Variants in TTN observed in about 807,000 individuals in gnomAD.
TTN encodes the protein connectin.
A neutral mutation model predicts 3,223.0 loss-of-function variants in TTN; 1,525 were observed. The ratio of observed to expected loss-of-function variants is 0.47; its 90% confidence interval spans 0.45 to 0.49. TTN has a LOEUF of 0.49. TTN is among the 20% of genes least tolerant of loss of function. TTN has a pLI of 0.00. For synonymous variants in TTN, 14,094 were observed against 15,161.0 expected (o/e 0.93, Z 5.17); for missense variants, 40,786 against 43,424.0 (o/e 0.94, Z 5.40).
rs1291471382 is a variant in TTN, at chr2:178,565,323, A to G, written c.80809T>C (p.Leu26937=). The change falls in exon 326 of 363, where the codon TTG becomes CTG. Residue 26937 remains leucine (L), a synonymous_variant. Coordinates refer to ENST00000589042, the MANE Select transcript of TTN (RefSeq NM_001267550.2). ...TCTTTGTTACCTTCTTTAATGTGCA[A>G]AACAGTTGAGGTAGCTGTTTCTTCA... is the stretch of plus-strand genomic sequence containing the variant. ...NVEETATSTV[L]HIKEGNKDDF... 6.8e-6 allele frequency: 11 copies of G among 1,613,558 alleles called. No individual in the cohort carries two copies. The highest frequency in any genetic ancestry group is 9.3e-6 in the Non-Finnish European group (11 of 1,179,688).
Position 178,777,248 on chromosome 2 carries a change from C to CG in TTN, c.4714dup (p.Arg1572ProfsTer3), listed in dbSNP as rs1561302160. On this transcript the variant is annotated frameshift_variant, in exon 27 of 363. Coordinates refer to ENST00000589042, the MANE Select transcript of TTN (RefSeq NM_001267550.2). LOFTEE classifies it high-confidence loss of function. Reference sequence around the variant, plus strand: ...CGTAGCTCTGACTTTCATTTCAAGTCGGGAACCTTCCTTTATATTGACATT... The same window carrying CG: ...CGTAGCTCTGACTTTCATTTCAAGTCGGGGAACCTTCCTTTATATTGACATT... 6.2e-7 allele frequency: 1 copy of CG among 1,613,980 alleles called. No individual in the cohort carries two copies. The highest frequency in any genetic ancestry group is 1.3e-5 in the African/African-American group (1 of 75,016).
Position 178,636,854 on chromosome 2 carries a change from T to G in TTN, c.40928-55A>C. 1 of 1,501,326 alleles carries G rather than the reference T, an allele frequency of 6.7e-7. No homozygotes were observed. The highest frequency in any genetic ancestry group is 8.9e-7 in the Non-Finnish European group (1 of 1,128,432). The allele number at this position is 1,501,326 out of a possible 1,614,324, so 93.0% of individuals were successfully genotyped here. A position where few individuals can be genotyped will look rare whatever the true frequency, so the allele number is the denominator to read the frequency against. On this transcript the variant is annotated intron_variant, in intron 224 of 362. Transcript: ENST00000589042. The surrounding 1 kb of genome is among the most constrained non-coding windows in gnomAD (Gnocchi z 4.3). ...TGGCATCTCCTTAGGAGTCAGAAAG[T>G]TCATACTTGGCTGCCTGCTGGATAA...
chr2:178,539,817 T>C lies in TTN; in HGVS notation c.98248A>G (p.Met32750Val), dbSNP rs771143872. 5.0e-6 allele frequency: 8 copies of C among 1,613,896 alleles called. No homozygotes were observed. Among genetic ancestry groups the C allele is most frequent in the Non-Finnish European group, 6.8e-6 (8 of 1,179,790 alleles). Residue 32750 changes from methionine (M) to valine (V), a missense_variant, in exon 352 of 363, where the codon ATG becomes GTG. Transcript: ENST00000589042. ...GTGTGTGTTTCAGATGTTGCAATCA[T>C]GGCACGCTTACTAATATCCTGGCCT... The part of the protein sequence containing the change: ...KEGQDISKRA[M>V]IATSETHTEL...
Position 178,702,446 on chromosome 2 carries a change from GA to G in TTN, c.30433+7del, listed in dbSNP as rs772798456. On this transcript the variant is annotated splice_region_variant and intron_variant, in intron 107 of 362. Coordinates refer to ENST00000589042, the MANE Select transcript of TTN (RefSeq NM_001267550.2). Reference sequence around the variant, plus strand: ...ATACATTCACTGGAAAACTGTCAATGAAATCACCTTCATCGTCTGGGGTCAC... The same window carrying G: ...ATACATTCACTGGAAAACTGTCAATGAATCACCTTCATCGTCTGGGGTCAC... The G allele has an allele frequency of 6.2e-7, 1 of 1,613,646 alleles. No individual in the cohort carries two copies. The highest frequency in any genetic ancestry group is 1.1e-5 in the South Asian group (1 of 91,048).
chr2:178,782,854 C>CA lies in TTN; in HGVS notation c.3051dup (p.Val1018CysfsTer3). 1 of 1,613,902 alleles carries CA rather than the reference C, an allele frequency of 6.2e-7. No individual in the cohort carries two copies. Among genetic ancestry groups the CA allele is most frequent in the South Asian group, 1.1e-5 (1 of 91,076 alleles). On this transcript the variant is annotated frameshift_variant, in exon 18 of 363. Coordinates refer to ENST00000589042, the MANE Select transcript of TTN (RefSeq NM_001267550.2). LOFTEE classifies it high-confidence loss of function. ...GTGCTGACGGTTCCAGCCTCATTTA[C>CA]AGCACTGCAAGTAAATCGCCCGCTG... is the stretch of plus-strand genomic sequence containing the variant.
At position 178,775,773 on chromosome 2, in the gene TTN, G is replaced by C. The variant is rs2092149926; in HGVS notation, c.6091C>G (p.Leu2031Val). The change falls in exon 28 of 363, where the codon CTC (leucine) becomes GTC (valine). Residue 2031 changes from leucine (L) to valine (V), a missense_variant. Leu to Val is a conservative substitution (Grantham distance 32). Coordinates refer to ENST00000589042, the MANE Select transcript of TTN (RefSeq NM_001267550.2). ...RKKDESYEELLRKTKDELLHW... is the reference protein window; with the variant it reads ...RKKDESYEELVRKTKDELLHW... ...AGAAGTTCATCTTTTGTCTTCCTGA[G>C]GAGTTCCTCATAGGATTCATCCTTC... is the stretch of plus-strand genomic sequence containing the variant. 1.9e-6 allele frequency: 3 copies of C among 1,613,584 alleles called. No homozygotes were observed. The South Asian group carries it at 3.3e-5, about 18-fold the overall frequency.
intron 349 of TTN, 81 bp downstream of exon 349, chr2:178,542,183 G>A: frequency 1.5e-6 from 2 of 1,353,628 alleles, no homozygotes; most frequent in Non-Finnish European, 2.0e-6. Context: ...ATTTACATTA[G>A]GGCATATTAA....
In TTN at chr2:178,552,569, G is replaced by A. The variant is rs1344947849; in HGVS notation, c.90331C>T (p.Leu30111=). Residue 30111 remains leucine, a synonymous_variant, in exon 335 of 363, where the codon CTG becomes TTG. Transcript: ENST00000589042. The stretch of plus-strand genomic sequence containing the variant: ...GGCCCAATAGTGACAGGATCACTCA[G>A]TCCTTTCTCATTTTTGGCAAACACT... ...FRVFAKNEKG[L]SDPVTIGPIT... 1 of 1,613,826 alleles carries A rather than the reference G, an allele frequency of 6.2e-7. No individual in the cohort carries two copies. Among genetic ancestry groups the A allele is most frequent in the South Asian group, 1.1e-5 (1 of 91,076 alleles).
chr2:178,576,096 G>A lies in TTN; in HGVS notation c.70036C>T (p.Leu23346=), dbSNP rs397517681. ...VEREMAPDFE[L]DAELRRTLVV... is the part of the protein sequence containing the mutation. ...AGTGTTCTTCGAAGCTCGGCATCTA[G>A]TTCAAAATCAGGAGCCATCTCCCGT... The change falls in exon 326 of 363, where the codon CTA becomes TTA. Residue 23346 remains leucine (L), a synonymous_variant. Coordinates refer to ENST00000589042, the MANE Select transcript of TTN (RefSeq NM_001267550.2). This position sits in a 1 kb window ranked among gnomAD's most constrained non-coding sequence, Gnocchi z 4.3. 8.1e-6 allele frequency: 13 copies of A among 1,613,342 alleles called. No individual in the cohort carries two copies. The Admixed American group carries it at 1.2e-4, about 14-fold the overall frequency.
rs1247588854 is a variant in TTN, at chr2:178,607,331, G to C, written c.53288-17C>G. 9.9e-6 allele frequency: 16 copies of C among 1,611,594 alleles called. No individual in the cohort carries two copies. The highest frequency in any genetic ancestry group is 1.2e-5 in the Non-Finnish European group (14 of 1,179,064). On this transcript the variant is annotated splice_polypyrimidine_tract_variant and intron_variant, in intron 277 of 362. Transcript: ENST00000589042. ...CAGGGACATCTGAAAACAAAACAAA[G>C]CCAAAAATCAATGTAATAAGATAGT...
rs1479629836 is a variant in TTN at position 178,571,667 on chromosome 2, G to C, written c.74465C>G (p.Thr24822Arg). The change falls in exon 326 of 363, where the codon ACA becomes AGA. Residue 24822 changes from threonine to arginine, a missense_variant. Physicochemically the swap from Thr to Arg is moderately conservative, Grantham distance 71. Transcript: ENST00000589042. The stretch of plus-strand genomic sequence containing the variant: ...CCAGGAAAGAGTAATACTATCAGCT[G>C]TCACTTCATCCATTTTAACTGGTCC... ...PTGPVKMDEV[T>R]ADSITLSWGP... The C allele has an allele frequency of 1.9e-6, 3 of 1,613,452 alleles. No homozygotes were observed. The highest frequency in any genetic ancestry group is 2.5e-6 in the Non-Finnish European group (3 of 1,179,586).
In TTN at chr2:178,559,599, T is replaced by C; in HGVS notation, c.86533A>G (p.Thr28845Ala). The part of the protein sequence containing the change: ...SLTLVVKVLD[T>A]PGPPTNITVQ... ...GTAATGTTGGTTGGAGGACCTGGGG[T>C]ATCTAAAACTTTGACAACTAAGGTC... Residue 28845 changes from threonine to alanine, a missense_variant, in exon 326 of 363, where the codon ACC becomes GCC. Coordinates refer to ENST00000589042, the MANE Select transcript of TTN (RefSeq NM_001267550.2). The C allele has an allele frequency of 6.2e-7, 1 of 1,613,780 alleles. No individual in the cohort carries two copies. Among genetic ancestry groups the C allele is most frequent in the Non-Finnish European group, 8.5e-7 (1 of 1,179,754 alleles).
intron 47 of TTN, chr2:178,745,837 A>G: frequency 6.2e-7 from 1 of 1,613,222 alleles, no homozygotes; most frequent in Non-Finnish European, 8.5e-7. Flanking sequence ...CATAACAGTC[A>G]GAAATACCTT....
intron 359 of TTN, 58 bp from the exon 360 acceptor site, chr2:178,529,277 T>G: frequency 8.1e-7 from 1 of 1,236,938 alleles, no homozygotes; most frequent in Non-Finnish European, 1.1e-6. Context: ...CACCTTTTAC[T>G]CTTCTAGATT....
At chr2:178,554,825 G>A in intron 331 of TTN, 40 bp downstream of exon 331, 1 of 1,612,878 alleles carries the variant, frequency 6.2e-7, no homozygotes, top group Non-Finnish European at 8.5e-7. Flanking sequence ...CTAAGCTTTA[G>A]GCAAATGTAA....
Position 178,779,118 on chromosome 2 carries a change from T to G in TTN, c.3964A>C (p.Ile1322Leu). The change falls in exon 24 of 363, where the codon ATT (isoleucine) becomes CTT (leucine). Residue 1322 changes from isoleucine to leucine, a missense_variant and splice_region_variant. By Grantham distance (5) the Ile-to-Leu change is conservative. Transcript: ENST00000589042. ...CGCTTGCCATCTTTGTACCAAGCAA[T>G]CTGCAAAGAATACCATGCATGTATG... ...CKMSGYPLPK[I>L]AWYKDGKRIK... is the part of the protein sequence containing the mutation. The G allele has an allele frequency of 6.2e-7, 1 of 1,613,838 alleles. No individual in the cohort carries two copies. The highest frequency in any genetic ancestry group is 8.5e-7 in the Non-Finnish European group (1 of 1,179,940).
rs781222763 is a variant in TTN, at chr2:178,543,830, T to A, written c.96310+4A>T. On this transcript the variant is annotated splice_donor_region_variant and intron_variant, in intron 346 of 362. Transcript: ENST00000589042. The stretch of plus-strand genomic sequence containing the variant: ...GTATAGCCAATTTTAAGTAAAATGC[T>A]TACCATAGACTTTAACAAGGACTGT... 36 of 1,612,986 alleles carry A rather than the reference T, an allele frequency of 2.2e-5. 1 individual carries two copies. In the South Asian group the frequency reaches 3.8e-4, roughly 17 times the overall value.
chr2:178,540,057 A>G lies in TTN; in HGVS notation c.98098+11T>C, dbSNP rs587780984. On this transcript the variant is annotated intron_variant, in intron 351 of 362. Transcript: ENST00000589042. ...CAATTATTGCAGAAAGCAAATGATC[A>G]TATGTCTCACCAAGCATTTCAGTGA... 1 of 1,596,190 alleles carries G rather than the reference A, an allele frequency of 6.3e-7. No individual in the cohort carries two copies. The highest frequency in any genetic ancestry group is 1.1e-5 in the South Asian group (1 of 88,238).
At chr2:178,711,568 A>T (rs1488233841) in intron 96 of TTN, among the ~76,000 whole-genome samples, 1 of 152,212 alleles carries the variant, frequency 6.6e-6, no homozygotes, top group African/African-American at 2.4e-5. Flanking sequence ...GCAAAACAGT[A>T]TGAAAACCAA....
Sources: allele counts gnomAD v4.1 joint callset (sites outside exome capture counted in the v4.1 genomes callset), GRCh38; gene constraint gnomAD v4.1.1; non-coding constraint Gnocchi (gnomAD v3.1); transcripts MANE v1.5; gene names NCBI Gene and HGNC (gene_info 2026-07-23, HGNC 2026-07-21).